The following NRG1 variants were observed in gnomAD, a reference collection of about 807,000 sequenced individuals.
NRG1 encodes the protein neuregulin 1.
A neutral mutation model predicts 63.8 loss-of-function variants in NRG1; 18 were observed. The ratio of observed to expected loss-of-function variants is 0.28; its 90% CI spans 0.19 to 0.42. The LOEUF is 0.42. Ranked by LOEUF, NRG1 falls within the 10% of genes least tolerant of loss-of-function variation. NRG1 has a pLI of 1.00. For synonymous variants in NRG1, 302 were observed against 301.3 expected (o/e 1.00, Z -0.02); for missense variants, 762 against 814.7 (o/e 0.94, Z 0.79).
At chr8:31,992,447 A>G (rs1270859616) in intron 1 of NRG1, among the ~76,000 whole-genome samples, 2 of 151,960 alleles carry the variant, frequency 1.3e-5, no homozygotes, top group Non-Finnish European at 2.9e-5. Context: ...GGAATGGAGG[A>G]TAATTGACAA....
At chr8:31,715,373 T>G (rs919289181) in intron 1 of NRG1, among the ~76,000 whole-genome samples, 4 of 152,164 alleles carry the variant, frequency 2.6e-5, no homozygotes, top group Admixed American at 1.3e-4. Context: ...ATGATTAGGA[T>G]AAGAGAAAGT....
At chr8:32,026,201 C>G (rs1057055465) in intron 1 of NRG1, 1 of 151,520 alleles carries the variant, frequency 6.6e-6, no homozygotes, top group East Asian at 2.0e-4. Flanking sequence ...CCGGAGTAGC[C>G]GGGACTACAG....
At chr8:32,107,576 T>G (rs2131413016) in intron 1 of NRG1, among the ~76,000 whole-genome samples, 1 of 152,322 alleles carries the variant, frequency 6.6e-6, no homozygotes, top group Middle Eastern at 3.4e-3. Context: ...TTATTGTTAG[T>G]CAGTTCCCTT....
intron 1 of NRG1, among the ~76,000 whole-genome samples, chr8:31,754,846 A>G (rs1816811557): frequency 6.6e-6 from 1 of 152,114 alleles, no homozygotes; most frequent in Non-Finnish European, 1.5e-5. Flanking sequence ...TTATTGCAAA[A>G]CTTCCTAGTA....
chr8:32,015,673 C>T (rs1056937639), intron 1 of NRG1, among the ~76,000 whole-genome samples: 1 of 152,052 alleles, frequency 6.6e-6, no homozygotes, highest in Non-Finnish European at 1.5e-5. Context: ...CATAAGAAAG[C>T]TACATAAGCA....
At chr8:32,401,484 C>G (rs917773127) in intron 1 of NRG1, among the ~76,000 whole-genome samples, 1 of 152,060 alleles carries the variant, frequency 6.6e-6, no homozygotes, top group Admixed American at 6.6e-5. Flanking sequence ...CATGTTCTGT[C>G]CACTGCTATG....
At chr8:31,830,465 A>G (rs1407216559) in intron 1 of NRG1, among the ~76,000 whole-genome samples, 2 of 151,896 alleles carry the variant, frequency 1.3e-5, no homozygotes, top group Non-Finnish European at 2.9e-5. Flanking sequence ...ATCAGCTGGG[A>G]CAACTTAAAT....
intron 1 of NRG1, among the ~76,000 whole-genome samples, chr8:31,686,527 G>T (rs1245196566): frequency 6.6e-6 from 1 of 152,012 alleles, no homozygotes; most frequent in Non-Finnish European, 1.5e-5. Flanking sequence ...TTCTGAAATG[G>T]AAACATACCA....
intron 5 of NRG1, among the ~76,000 whole-genome samples, chr8:32,664,195 T>A (rs1030431108): frequency 4.6e-5 from 7 of 152,134 alleles, no homozygotes; most frequent in Non-Finnish European, 1.0e-4. Context: ...AGCTAGTTTC[T>A]GTCTTCCAGG....
intron 1 of NRG1, among the ~76,000 whole-genome samples, chr8:31,970,772 G>A (rs536331379): frequency 6.6e-6 from 1 of 152,066 alleles, no homozygotes; most frequent in East Asian, 2.0e-4. Context: ...GTAAACTGTG[G>A]GTACAGCATT....
At chr8:32,399,674 A>C (rs1479792983) in intron 1 of NRG1, among the ~76,000 whole-genome samples, 3 of 152,216 alleles carry the variant, frequency 2.0e-5, no homozygotes, top group Non-Finnish European at 4.4e-5. Flanking sequence ...ACTGCACTCC[A>C]GCCTGTGCAA....
intron 1 of NRG1, among the ~76,000 whole-genome samples, chr8:31,986,128 C>T (rs1298185785): frequency 1.3e-5 from 2 of 152,012 alleles, no homozygotes; most frequent in African/African-American, 4.8e-5. Context: ...GTGTTGGATG[C>T]CTTCTGTGAA....
intron 1 of NRG1, among the ~76,000 whole-genome samples, chr8:31,876,089 A>T (rs1829897138): frequency 6.6e-6 from 1 of 152,216 alleles, no homozygotes; most frequent in African/African-American, 2.4e-5. Flanking sequence ...TGAATTGATC[A>T]CAGAAGCATC....
chr8:31,903,445 G>A (rs1832266311), intron 1 of NRG1, among the ~76,000 whole-genome samples: 2 of 150,836 alleles, frequency 1.3e-5, no homozygotes, highest in African/African-American at 2.4e-5. Context: ...CACCGCGCCC[G>A]GCCGAGCCTT....
intron 1 of NRG1, among the ~76,000 whole-genome samples, chr8:31,826,597 G>T (rs911552079): frequency 2.0e-5 from 3 of 152,044 alleles, no homozygotes; most frequent in Non-Finnish European, 4.4e-5. Flanking sequence ...CATGAGAATG[G>T]ACTAATACAC....
At chr8:32,241,648 T>C (rs530385313) in intron 1 of NRG1, among the ~76,000 whole-genome samples, 63 of 152,324 alleles carry the variant, frequency 4.1e-4, no homozygotes, top group African/African-American at 1.4e-3. Flanking sequence ...TGACATTGTA[T>C]GAGATCCCAT....
chr8:31,884,240 C>G (rs978221429), intron 1 of NRG1, among the ~76,000 whole-genome samples: 1 of 152,022 alleles, frequency 6.6e-6, no homozygotes, highest in African/African-American at 2.4e-5. Flanking sequence ...GTAAAATAAG[C>G]TTCAGGATTT....
At chr8:31,733,531 G>A (rs1450099283) in intron 1 of NRG1, among the ~76,000 whole-genome samples, 1 of 152,134 alleles carries the variant, frequency 6.6e-6, no homozygotes, top group Non-Finnish European at 1.5e-5. Context: ...GGATGTGCCT[G>A]TGGACACTGA....
At chr8:32,645,376 A>G (rs1379592046) in intron 5 of NRG1, among the ~76,000 whole-genome samples, 1 of 152,246 alleles carries the variant, frequency 6.6e-6, no homozygotes, top group Admixed American at 6.5e-5. Flanking sequence ...CATGTTGCTC[A>G]TAAACTTGTC....
Sources: gnomAD v4.1 joint callset for allele counts (sites outside exome capture counted in the v4.1 genomes callset) on GRCh38, gnomAD v4.1.1 for gene constraint, MANE v1.5 for transcripts, NCBI Gene and HGNC (gene_info 2026-07-23, HGNC 2026-07-21) for gene names.